CSMD2: variants seen among roughly 807,000 people sequenced by gnomAD.
The protein encoded by CSMD2 is CUB and sushi domain-containing protein 2.
CSMD2 carries 130 observed loss-of-function variants against 398.5 expected under a neutral mutation model. The observed-to-expected ratio is 0.33, with a 90% CI of 0.28 to 0.38. The LOEUF (loss-of-function observed/expected upper bound fraction) is 0.38. Ranked by LOEUF, CSMD2 falls within the 10% of genes least tolerant of loss-of-function variation. The pLI is 1.00. For synonymous variants in CSMD2, 1,828 were observed against 1,908.5 expected (o/e 0.96, Z 1.10); for missense variants, 3,829 against 4,764.9 (o/e 0.80, Z 5.78).
At chr1:33,583,279 C>T (rs1638856164) in intron 47 of CSMD2, among the ~76,000 whole-genome samples, 1 of 152,230 alleles carries the variant, frequency 6.6e-6, no homozygotes, top group South Asian at 2.1e-4. Context: ...GCACATTTTC[C>T]CTCTTAAAGC....
rs748105871 is a variant in CSMD2, at chr1:33,725,548, C to G, written c.2508-12G>C. Reference sequence around the variant, plus strand: ...CCTCGGTTTTGAATCTGCCAAATGACAGAAATGAAGCCTTCTTGAGAAATC... The same window carrying G: ...CCTCGGTTTTGAATCTGCCAAATGAGAGAAATGAAGCCTTCTTGAGAAATC... On this transcript the variant is annotated splice_polypyrimidine_tract_variant and intron_variant, in intron 16 of 70. Coordinates refer to ENST00000373381, the MANE Select transcript of CSMD2 (RefSeq NM_001281956.2). The G allele has an allele frequency of 6.2e-7, 1 of 1,613,390 alleles. No homozygotes were observed.
At chr1:33,922,330 T>C (rs1178881701) in intron 4 of CSMD2, among the ~76,000 whole-genome samples, 1 of 151,770 alleles carries the variant, frequency 6.6e-6, no homozygotes, top group African/African-American at 2.4e-5. Context: ...GGCACTCAGG[T>C]GGAAAGTAAG....
intron 5 of CSMD2, among the ~76,000 whole-genome samples, chr1:33,859,993 G>T (rs1291372964): frequency 1.3e-5 from 2 of 152,124 alleles, no homozygotes; most frequent in Admixed American, 1.3e-4. Flanking sequence ...AGAGTGCAAA[G>T]ATCATACAGA....
chr1:34,120,604 G>A (rs1662079262), intron 1 of CSMD2, among the ~76,000 whole-genome samples: 1 of 152,180 alleles, frequency 6.6e-6, no homozygotes, highest in Non-Finnish European at 1.5e-5. Context: ...GAGTACAATG[G>A]CGCAATCTCG....
At chr1:34,027,212 T>C (rs1446764433) in intron 3 of CSMD2, among the ~76,000 whole-genome samples, 1 of 151,928 alleles carries the variant, frequency 6.6e-6, no homozygotes, top group Non-Finnish European at 1.5e-5. Flanking sequence ...CATGGAAGAG[T>C]AGGCAGAGAC....
Position 34,164,186 on chromosome 1 carries a change from C to G in CSMD2, c.187+725G>C, listed in dbSNP as rs1241672364. Among the ~76,000 whole-genome samples, 3 of 152,068 alleles carry G rather than the reference C, an allele frequency of 2.0e-5. No homozygotes were observed. Among genetic ancestry groups the G allele is most frequent in the African/African-American group, 4.8e-5 (2 of 41,422 alleles). ...GCGCGAAGCCTGGCGGCGGCACTCCCTCCCCCGCCTCGGGCTACAACCCCC... is the reference window on the plus strand; with the variant it reads ...GCGCGAAGCCTGGCGGCGGCACTCCGTCCCCCGCCTCGGGCTACAACCCCC... On this transcript the variant is annotated intron_variant, in intron 1 of 70. Coordinates refer to ENST00000373381, the MANE Select transcript of CSMD2 (RefSeq NM_001281956.2). This position sits in a 1 kb window ranked among gnomAD's most constrained non-coding sequence, Gnocchi z 6.2.
intron 57 of CSMD2, among the ~76,000 whole-genome samples, chr1:33,545,323 A>C (rs1451506466): frequency 6.6e-6 from 1 of 152,198 alleles, no homozygotes; most frequent in African/African-American, 2.4e-5. Flanking sequence ...GAAAAATGAT[A>C]ATTTCTCCCA....
At chr1:34,057,605 C>T (rs1319898846) in intron 2 of CSMD2, among the ~76,000 whole-genome samples, 1 of 152,138 alleles carries the variant, frequency 6.6e-6, no homozygotes, top group African/African-American at 2.4e-5. Context: ...CAGACTCAGT[C>T]CTCCAGCCCC....
At position 33,657,946 on chromosome 1, in the gene CSMD2, C is replaced by T. The variant is rs1369325755; in HGVS notation, c.4447G>A (p.Ala1483Thr). 4 of 1,612,400 alleles carry T rather than the reference C, an allele frequency of 2.5e-6. No homozygotes were observed. The highest frequency in any genetic ancestry group is 1.7e-5 in the Admixed American group (1 of 59,966). Reference sequence around the variant, plus strand: ...AGTGCACCCTGCAGCTGCTTTGTACCGATGCATGTTGGCGGGCTGGGCTGC... The same window carrying T: ...AGTGCACCCTGCAGCTGCTTTGTACTGATGCATGTTGGCGGGCTGGGCTGC... ...FWQPSPPTCI[A>T]PCGGDLTGPS... is the part of the protein sequence containing the mutation. Residue 1483 changes from alanine (A) to threonine (T), a missense_variant and splice_region_variant, in exon 27 of 71, where the codon GCT becomes ACT. Physicochemically the swap from Ala to Thr is moderately conservative, Grantham distance 58. Around this residue, in one of 5 missense-constraint regions of CSMD2, gnomAD observed 2,001 missense variants for 2,567.1 expected, o/e 0.78. Transcript: ENST00000373381.
intron 3 of CSMD2, among the ~76,000 whole-genome samples, chr1:33,944,704 C>T (rs1558142219): frequency 2.0e-5 from 3 of 152,020 alleles, no homozygotes; most frequent in Admixed American, 6.6e-5. Flanking sequence ...TCATCTTATG[C>T]GGACGGAGGT....
chr1:33,710,228 C>T (rs906020895), intron 21 of CSMD2, among the ~76,000 whole-genome samples: 2 of 152,100 alleles, frequency 1.3e-5, no homozygotes, highest in African/African-American at 4.8e-5. Flanking sequence ...ATTGGGGGGC[C>T]CCTCCCTGTT....
intron 2 of CSMD2, among the ~76,000 whole-genome samples, chr1:34,087,953 C>T (rs1658096906): frequency 6.6e-6 from 1 of 152,172 alleles, no homozygotes; most frequent in African/African-American, 2.4e-5. Context: ...CTGGGAGAAG[C>T]TGCAGAAGGG....
At chr1:33,967,261 T>C (rs1353419226) in intron 3 of CSMD2, among the ~76,000 whole-genome samples, 1 of 147,918 alleles carries the variant, frequency 6.8e-6, no homozygotes, top group Non-Finnish European at 1.5e-5. Flanking sequence ...CACAGACTTT[T>C]TTTTTTAAAG....
intron 5 of CSMD2, chr1:33,860,401 T>C (rs554268429): frequency 1.3e-5 from 2 of 152,336 alleles, no homozygotes; most frequent in African/African-American, 2.4e-5. Flanking sequence ...GCTGTTATTA[T>C]GGCAACACAG....
At chr1:33,615,065 G>A (rs1483526471) in intron 39 of CSMD2, among the ~76,000 whole-genome samples, 3 of 152,220 alleles carry the variant, frequency 2.0e-5, no homozygotes, top group African/African-American at 7.2e-5. Context: ...CCCACTCTGT[G>A]CCCGGCACCA....
chr1:33,538,389 T>C (rs781104800), intron 60 of CSMD2, among the ~76,000 whole-genome samples: 10 of 152,194 alleles, frequency 6.6e-5, no homozygotes, highest in Non-Finnish European at 1.0e-4. Flanking sequence ...GGCAGTGCCA[T>C]TAAAAATTGA....
chr1:33,689,796 C>G (rs144288000), intron 25 of CSMD2, among the ~76,000 whole-genome samples: 1 of 152,226 alleles, frequency 6.6e-6, no homozygotes, highest in African/African-American at 2.4e-5. Context: ...TTTCCAGCAG[C>G]TCAGCAAAAA....
chr1:33,570,333 ATTTT>A (rs57025243), intron 51 of CSMD2, among the ~76,000 whole-genome samples: 1,422 of 140,658 alleles, frequency 0.01, 11 homozygotes, highest in African/African-American at 0.03. Context: ...ATGCTGGCTA[ATTTT>A]TTTTTTTTTT....
chr1:33,646,866 C>T, intron 28 of CSMD2, 31 bp from the exon 29 acceptor site: 1 of 1,580,178 alleles, frequency 6.3e-7, no homozygotes, highest in Non-Finnish European at 8.6e-7. Context: ...ACCCCCACCC[C>T]ACTAAGGTCA....
Sources: gnomAD v4.1 joint callset for allele counts (sites outside exome capture counted in the v4.1 genomes callset) on GRCh38, gnomAD v4.1.1 for gene constraint, gnomAD v4.1.1 regional missense constraint, Gnocchi (gnomAD v3.1) non-coding constraint, MANE v1.5 for transcripts, NCBI Gene and HGNC (gene_info 2026-07-23, HGNC 2026-07-21) for gene names.